TUSC3: variants seen among roughly 807,000 people sequenced by gnomAD.
TUSC3 encodes tumor suppressor candidate 3.
In TUSC3, 45 loss-of-function variants were observed where a neutral mutation model predicts 44.8. The observed-to-expected ratio is 1.00, with a 90% confidence interval of 0.79 to 1.29. The LOEUF (loss-of-function observed/expected upper bound fraction) is 1.29, where lower values mean the gene tolerates loss of function less well. Among genes scored for constraint, TUSC3 ranks in the 50% most tolerant of loss-of-function variants. The probability of loss-of-function intolerance (pLI) is 0.00; values close to 1 mark genes in which losing one functional copy is unlikely to be tolerated. For synonymous variants in TUSC3, 212 were observed against 152.9 expected (o/e 1.39, Z -2.85); for missense variants, 519 against 437.9 (o/e 1.19, Z -1.65).
At chr8:15,508,797 A>G (rs564291259) in intron 2 of TUSC3, among the ~76,000 whole-genome samples, 1 of 152,276 alleles carries the variant, frequency 6.6e-6, no homozygotes, top group African/African-American at 2.4e-5. Flanking sequence ...GAAAAAAAGT[A>G]GGCATTAATA....
At chr8:15,665,432 A>G (rs1287962215) in intron 5 of TUSC3, among the ~76,000 whole-genome samples, 3 of 151,362 alleles carry the variant, frequency 2.0e-5, no homozygotes, top group South Asian at 4.2e-4. Context: ...TGTTGTGAAC[A>G]CTTAGTCCTG....
chr8:15,596,396 G>T (rs542232415), intron 1 of TUSC3, among the ~76,000 whole-genome samples: 6 of 152,188 alleles, frequency 3.9e-5, no homozygotes, highest in East Asian at 1.9e-4. Context: ...TTTCTCAACC[G>T]AATGCAGCTA....
rs75227233 is a variant in TUSC3, at chr8:15,610,735, A to G, written c.139-12345A>G. Among the ~76,000 whole-genome samples, 174 of 152,278 alleles carry G rather than the reference A, an allele frequency of 1.1e-3. 1 individual carries two copies. The highest frequency in any genetic ancestry group is 3.7e-3 in the East Asian group (19 of 5,162). ...TAGGGCTACTGTGTTAGCAATTCCTATATTAGAGCGTAAAAGTTTTACAAA... is the reference window on the plus strand; with the variant it reads ...TAGGGCTACTGTGTTAGCAATTCCTGTATTAGAGCGTAAAAGTTTTACAAA... On this transcript the variant is annotated intron_variant, in intron 1 of 10. Transcript: ENST00000503731.
intron 1 of TUSC3, among the ~76,000 whole-genome samples, chr8:15,462,070 T>G (rs1800353853): frequency 6.6e-6 from 1 of 152,048 alleles, no homozygotes; most frequent in African/African-American, 2.4e-5. Flanking sequence ...CAATCATTCT[T>G]TAATGGACAA....
intron 1 of TUSC3, among the ~76,000 whole-genome samples, chr8:15,595,645 G>A (rs1804036653): frequency 1.3e-5 from 2 of 152,110 alleles, no homozygotes; most frequent in South Asian, 4.1e-4. Flanking sequence ...AATGGAAGGA[G>A]TATATTTGCT....
At position 15,737,212 on chromosome 8, in the gene TUSC3, TTA is replaced by T. The variant is rs76540968; in HGVS notation, c.863-6325_863-6324del. On this transcript the variant is annotated intron_variant, in intron 7 of 10. Coordinates refer to ENST00000503731, the MANE Select transcript of TUSC3 (RefSeq NM_006765.4). Reference sequence around the variant, plus strand: ...TTAATGATAGATGCAGTTGAAAATTTTAGATTTAGAATTCTTTAAGTAAGTCT... The same window carrying T: ...TTAATGATAGATGCAGTTGAAAATTTGATTTAGAATTCTTTAAGTAAGTCT... Among the ~76,000 whole-genome samples the T allele has an allele frequency of 9.3e-3, 1,413 of 152,252 alleles. 47 individuals carry two copies. The highest frequency in any genetic ancestry group is 0.058 in the East Asian group (301 of 5,176).
At chr8:15,614,695 A>T (rs761411560) in intron 1 of TUSC3, among the ~76,000 whole-genome samples, 2 of 152,130 alleles carry the variant, frequency 1.3e-5, no homozygotes, top group Admixed American at 6.6e-5. Context: ...TCAACAGTTG[A>T]TGAAAATTTA....
intron 6 of TUSC3, among the ~76,000 whole-genome samples, chr8:15,684,624 T>G (rs1808553431): frequency 6.6e-6 from 1 of 152,062 alleles, no homozygotes; most frequent in African/African-American, 2.4e-5. Flanking sequence ...ACTGGTCTTA[T>G]GAAAGGAGGG....
chr8:15,486,513 C>A (rs556346661), intron 2 of TUSC3, among the ~76,000 whole-genome samples: 1 of 152,222 alleles, frequency 6.6e-6, no homozygotes, highest in African/African-American at 2.4e-5. Context: ...GGTGCTGTCT[C>A]GCCTCACTGC....
intron 1 of TUSC3, 83 bp downstream of exon 1, chr8:15,540,651 C>G: frequency 7.0e-7 from 1 of 1,429,896 alleles, no homozygotes; most frequent in Non-Finnish European, 9.2e-7. Flanking sequence ...TGCCGTGTTG[C>G]TAGGCAGCCT....
intron 1 of TUSC3, among the ~76,000 whole-genome samples, chr8:15,458,397 C>T (rs960040639): frequency 2.6e-5 from 4 of 152,078 alleles, no homozygotes; most frequent in Non-Finnish European, 5.9e-5. Context: ...TGCTACCACA[C>T]TTGGATAATT....
intron 1 of TUSC3, among the ~76,000 whole-genome samples, chr8:15,569,904 ATT>A (rs386722781): frequency 0.15 from 23,491 of 151,988 alleles, 2,184 homozygotes; most frequent in Non-Finnish European, 0.21. Flanking sequence ...TATTTCTCTA[ATT>A]TTTAAATTCA....
the TUSC3 span, among the ~76,000 whole-genome samples, chr8:15,841,944 G>A: frequency 6.6e-6 from 1 of 152,252 alleles, no homozygotes; most frequent in African/African-American, 2.4e-5. Flanking sequence ...AAGGTTCTAA[G>A]TATTTCCCTG....
intron 1 of TUSC3, among the ~76,000 whole-genome samples, chr8:15,570,119 A>C (rs1340235790): frequency 6.6e-6 from 1 of 152,128 alleles, no homozygotes; most frequent in Non-Finnish European, 1.5e-5. Context: ...TAGCTTGTCC[A>C]TCGCATTATA....
At chr8:15,755,506 T>C (rs1811887067) in intron 9 of TUSC3, among the ~76,000 whole-genome samples, 1 of 152,136 alleles carries the variant, frequency 6.6e-6, no homozygotes, top group Non-Finnish European at 1.5e-5. Flanking sequence ...CTGAACCTTT[T>C]GATGAGCTTA....
At chr8:15,738,827 C>CTTTTTTTCTTCTTTCTTTTT (rs1811048094) in intron 7 of TUSC3, among the ~76,000 whole-genome samples, 1 of 87,172 alleles carries the variant, frequency 1.1e-5, no homozygotes, top group Non-Finnish European at 2.1e-5. Context: ...ATATATCTTG[C>CTTTTTTTCTTCTTTCTTTTT]TTTTTTTTTT....
intron 1 of TUSC3, among the ~76,000 whole-genome samples, chr8:15,575,563 T>G (rs1803067242): frequency 1.3e-5 from 2 of 152,084 alleles, no homozygotes; most frequent in African/African-American, 4.8e-5. Flanking sequence ...GGTCAGGAGT[T>G]TGAGATCAGC....
chr8:15,806,876 T>G, the TUSC3 span: 1 of 1,159,570 alleles, frequency 8.6e-7, no homozygotes. Flanking sequence ...AATAATTATG[T>G]TGGGGAGAAA....
chr8:15,705,238 A>C (rs1809569324), intron 6 of TUSC3, among the ~76,000 whole-genome samples: 1 of 151,966 alleles, frequency 6.6e-6, no homozygotes, highest in East Asian at 1.9e-4. Context: ...CACTGCTGGA[A>C]TGTTTTCTTG....
Sources: allele counts gnomAD v4.1 joint callset (sites outside exome capture counted in the v4.1 genomes callset), GRCh38; gene constraint gnomAD v4.1.1; transcripts MANE v1.5; gene names NCBI Gene and HGNC (gene_info 2026-07-23, HGNC 2026-07-21).